The following DGKB variants were observed in gnomAD, a reference collection of about 807,000 sequenced individuals.
The protein encoded by DGKB is diacylglycerol kinase beta, also known as 90 kDa diacylglycerol kinase.
A neutral mutation model predicts 114.3 loss-of-function variants in DGKB; 67 were observed. The observed-to-expected ratio is 0.59, with a 90% CI of 0.48 to 0.72. The LOEUF is 0.72. Ranked by LOEUF, DGKB falls within the 30% of genes least tolerant of loss-of-function variation. The probability of loss-of-function intolerance (pLI) is 0.00; values close to 1 mark genes in which losing one functional copy is unlikely to be tolerated. For synonymous variants in DGKB, 398 were observed against 323.1 expected (o/e 1.23, Z -2.49); for missense variants, 907 against 975.2 (o/e 0.93, Z 0.93).
At chr7:14,770,461 G>A (rs1469367754) in intron 2 of DGKB, among the ~76,000 whole-genome samples, 1 of 152,106 alleles carries the variant, frequency 6.6e-6, no homozygotes, top group Non-Finnish European at 1.5e-5. Flanking sequence ...GAGCAGTCCA[G>A]GGAGAGCATG....
chr7:14,935,329 A>C (rs1785218668), intron 1 of DGKB, among the ~76,000 whole-genome samples: 1 of 152,180 alleles, frequency 6.6e-6, no homozygotes. Flanking sequence ...GAATTACAAG[A>C]GTTTCGCCAA....
rs948693044 is a variant in DGKB, at chr7:14,852,486, T to TCAAAAAAAAAAAAACAAAA, written c.-187-11037_-187-11036insTTTTGTTTTTTTTTTTTTG. Among the ~76,000 whole-genome samples, 21 of 7,784 alleles carry TCAAAAAAAAAAAAACAAAA rather than the reference T, an allele frequency of 2.7e-3. 1 individual carries two copies. The East Asian group carries it at 0.038, about 14-fold the overall frequency. The allele number at this position is 7,784 out of a possible 152,430, so 5.1% of individuals were successfully genotyped here. A position where few individuals can be genotyped will look rare whatever the true frequency, so the allele number is the denominator to read the frequency against. On this transcript the variant is annotated intron_variant, in intron 1 of 25. Coordinates refer to ENST00000402815, the MANE Select transcript of DGKB (RefSeq NM_001350709.2). ...AGAGGAATAGCTAAAATAGTGAAAG[T>TCAAAAAAAAAAAAACAAAA]CAAAAAAAAAACAGAAATCAAGCAT... is the stretch of plus-strand genomic sequence containing the variant.
At chr7:14,162,877 C>G (rs1784107238) in intron 25 of DGKB, among the ~76,000 whole-genome samples, 1 of 152,144 alleles carries the variant, frequency 6.6e-6, no homozygotes, top group South Asian at 2.1e-4. Context: ...TAATGTACTT[C>G]AGTATCTTTC....
intron 2 of DGKB, among the ~76,000 whole-genome samples, chr7:14,836,935 T>A (rs1469433846): frequency 1.3e-5 from 2 of 152,192 alleles, no homozygotes; most frequent in Non-Finnish European, 2.9e-5. Context: ...TTCTACTTGA[T>A]CATCAACAAT....
chr7:14,239,395 C>T (rs1363868756), intron 23 of DGKB, among the ~76,000 whole-genome samples: 1 of 151,892 alleles, frequency 6.6e-6, no homozygotes, highest in African/African-American at 2.4e-5. Context: ...AAAAGTGTTT[C>T]CAAAACAGCT....
In DGKB at chr7:14,188,272, C is replaced by T. The variant is rs189911643; in HGVS notation, c.2123-10121G>A. 5.8e-3 allele frequency among the ~76,000 whole-genome samples: 880 copies of T among 152,032 alleles called. 5 individuals are homozygous for T. Among genetic ancestry groups the T allele is most frequent in the African/African-American group, 0.019 (798 of 41,478 alleles). On this transcript the variant is annotated intron_variant, in intron 23 of 25. Transcript: ENST00000402815. ...AATAGGAGTGTCAGAGGGAAAGAGA[C>T]GGAGAAAAGCACAGAAAATTTATTT... is the stretch of plus-strand genomic sequence containing the variant.
intron 21 of DGKB, among the ~76,000 whole-genome samples, chr7:14,424,542 G>T (rs542024926): frequency 5.1e-4 from 78 of 151,958 alleles, no homozygotes; most frequent in African/African-American, 1.8e-3. Flanking sequence ...TAGGCATTCT[G>T]CTAAATGTAT....
intron 23 of DGKB, among the ~76,000 whole-genome samples, chr7:14,227,890 T>C (rs890755397): frequency 6.6e-6 from 1 of 152,090 alleles, no homozygotes. Flanking sequence ...TCTGAATGAC[T>C]ATGTATGCCA....
intron 14 of DGKB, among the ~76,000 whole-genome samples, chr7:14,627,032 G>T (rs1808720176): frequency 6.6e-6 from 1 of 152,020 alleles, no homozygotes; most frequent in African/African-American, 2.4e-5. Flanking sequence ...AGAAAATTTA[G>T]ACAAAAGTAC....
At chr7:14,804,070 G>GGGGT (rs1554282561) in intron 2 of DGKB, among the ~76,000 whole-genome samples, 22 of 146,508 alleles carry the variant, frequency 1.5e-4, no homozygotes, top group African/African-American at 3.2e-4. Context: ...TCACTTTTTG[G>GGGGT]GTGTGTGTGT....
At chr7:14,477,557 G>C (rs1782367491) in intron 21 of DGKB, among the ~76,000 whole-genome samples, 1 of 152,110 alleles carries the variant, frequency 6.6e-6, no homozygotes, top group African/African-American at 2.4e-5. Flanking sequence ...CGGAACCAAG[G>C]CTTTCCTGTT....
At position 14,697,853 on chromosome 7, in the gene DGKB, G is replaced by C. The variant is rs551556677; in HGVS notation, c.591+242C>G. ...GAGAGAAGGAAGGAAGGGAGAGAGA[G>C]AAGGAAGGAAGGAAGGTAGGAGGGA... On this transcript the variant is annotated intron_variant, in intron 8 of 25. Transcript: ENST00000402815. 1.5e-4 allele frequency among the ~76,000 whole-genome samples: 22 copies of C among 142,522 alleles called. No individual in the cohort carries two copies. In the East Asian group the frequency reaches 4.2e-3, roughly 27 times the overall value. The allele number at this position is 142,522 out of a possible 152,430, so 93.5% of individuals were successfully genotyped here. A position where few individuals can be genotyped will look rare whatever the true frequency, so the allele number is the denominator to read the frequency against.
At chr7:14,786,020 T>C (rs1053954480) in intron 2 of DGKB, among the ~76,000 whole-genome samples, 13 of 152,190 alleles carry the variant, frequency 8.5e-5, no homozygotes, top group African/African-American at 3.1e-4. Context: ...AAATCCTTTT[T>C]GAAAGTCATC....
chr7:14,454,844 T>A (rs372351438), intron 21 of DGKB, among the ~76,000 whole-genome samples: 229 of 152,176 alleles, frequency 1.5e-3, no homozygotes, highest in Middle Eastern at 6.8e-3. Flanking sequence ...TAACATGACA[T>A]GTATTATTCA....
At chr7:14,760,509 T>C (rs1211425160) in intron 2 of DGKB, among the ~76,000 whole-genome samples, 1 of 152,122 alleles carries the variant, frequency 6.6e-6, no homozygotes, top group Non-Finnish European at 1.5e-5. Flanking sequence ...CTCAAATTCT[T>C]CTTTGTGGGT....
upstream of DGKB, among the ~76,000 whole-genome samples, chr7:14,907,271 A>G (rs1783758980): frequency 6.6e-6 from 1 of 152,250 alleles, no homozygotes; most frequent in African/African-American, 2.4e-5. Flanking sequence ...AAAATAGATC[A>G]CCATCACTAA....
intron 20 of DGKB, among the ~76,000 whole-genome samples, chr7:14,565,909 TTAA>T (rs1189572729): frequency 1.3e-5 from 2 of 152,182 alleles, no homozygotes; most frequent in Non-Finnish European, 2.9e-5. Context: ...AGCAGCCAGA[TTAA>T]TATTTTTTCT....
At chr7:14,591,142 T>G (rs1166205394) in intron 17 of DGKB, among the ~76,000 whole-genome samples, 1 of 152,030 alleles carries the variant, frequency 6.6e-6, no homozygotes, top group Non-Finnish European at 1.5e-5. Context: ...AGGAAGGCTG[T>G]GATGAGGAGC....
intron 20 of DGKB, among the ~76,000 whole-genome samples, chr7:14,495,523 TC>T (rs1194152442): frequency 6.6e-6 from 1 of 151,556 alleles, no homozygotes; most frequent in Non-Finnish European, 1.5e-5. Context: ...GATGACAATT[TC>T]AGCATTTAAA....
Sources: allele counts gnomAD v4.1 joint callset (sites outside exome capture counted in the v4.1 genomes callset), GRCh38; gene constraint gnomAD v4.1.1; transcripts MANE v1.5; gene names NCBI Gene and HGNC (gene_info 2026-07-23, HGNC 2026-07-21).